Variants in DENND6B observed in about 807,000 individuals in gnomAD.
DENND6B encodes the protein DENN domain containing 6B, also known as protein DENND6B.
A neutral mutation model predicts 85.1 loss-of-function variants in DENND6B; 73 were observed. The ratio of observed to expected loss-of-function variants is 0.86; its 90% confidence interval spans 0.71 to 1.04. DENND6B has a LOEUF of 1.04. Ranked by LOEUF, DENND6B falls within the 50% of genes least tolerant of loss-of-function variation. The pLI, the probability that DENND6B is intolerant of heterozygous loss-of-function variation, is 0.00. For synonymous variants in DENND6B, 357 were observed against 329.3 expected, an observed-to-expected ratio of 1.08 and a Z score of -0.91; for missense variants, 715 against 785.8, an observed-to-expected ratio of 0.91 and a Z score of 1.08.
chr22:50,313,585 C>A, intron 15 of DENND6B, 50 bp downstream of exon 15: 1 of 1,445,240 alleles, frequency 6.9e-7, no homozygotes, highest in Non-Finnish European at 9.2e-7. Flanking sequence ...CAACCCCATC[C>A]CCCCAGCCCC....
At position 50,319,011 on chromosome 22, in the gene DENND6B, G is replaced by A. The variant is rs765888032; in HGVS notation, c.178-8C>T. The A allele has an allele frequency of 6.3e-7, 1 of 1,592,998 alleles. No homozygotes were observed. The highest frequency in any genetic ancestry group is 2.3e-5 in the East Asian group (1 of 43,824). On this transcript the variant is annotated splice_region_variant and splice_polypyrimidine_tract_variant and intron_variant, in intron 1 of 19. Coordinates refer to ENST00000413817, the MANE Select transcript of DENND6B (RefSeq NM_001001794.4). The stretch of plus-strand genomic sequence containing the variant: ...GTCGTTCGGATACACCAGCTGCAGA[G>A]GAAGACAGAGTGCTTGGTGACACCA...
rs758476540 is a variant in DENND6B at position 50,318,956 on chromosome 22, G to A, written c.216+9C>T. ...GGTCCTGTCCATTCCCAAGAGGGCC[G>A]GGACTCACCTCCTTGTCTGTGAGCC... On this transcript the variant is annotated intron_variant, in intron 2 of 19. Transcript: ENST00000413817. 126 of 1,607,714 alleles carry A rather than the reference G, an allele frequency of 7.8e-5. No homozygotes were observed. In the East Asian group the frequency reaches 8.5e-4, roughly 11 times the overall value.
At chr22:50,324,408 T>C (rs1347870749) in intron 1 of DENND6B, among the ~76,000 whole-genome samples, 1 of 152,184 alleles carries the variant, frequency 6.6e-6, no homozygotes, top group Non-Finnish European at 1.5e-5. Flanking sequence ...GGGCTGGTGA[T>C]AGCTGCTCAA....
At chr22:50,316,326 C>A in intron 6 of DENND6B, 44 bp downstream of exon 6, 1 of 1,562,358 alleles carries the variant, frequency 6.4e-7, no homozygotes, top group South Asian at 1.2e-5. Context: ...GGGGCCACAG[C>A]TGGGATGATG....
At chr22:50,323,658 G>A (rs1162645034) in intron 1 of DENND6B, among the ~76,000 whole-genome samples, 1 of 150,392 alleles carries the variant, frequency 6.6e-6, no homozygotes, top group Admixed American at 6.6e-5. Flanking sequence ...CTGGGCTCAA[G>A]TGCTCCTCCC....
Position 50,315,012 on chromosome 22 carries a change from C to T in DENND6B, c.759-91G>A, listed in dbSNP as rs2041757560. Reference sequence around the variant, plus strand: ...CTCCCACCGTTCACCCAGGCTGGCCCAGGCACTGGTGAACACAGCACGCTG... The same window carrying T: ...CTCCCACCGTTCACCCAGGCTGGCCTAGGCACTGGTGAACACAGCACGCTG... On this transcript the variant is annotated intron_variant, in intron 9 of 19. Transcript: ENST00000413817. 3 of 1,553,790 alleles carry T rather than the reference C, an allele frequency of 1.9e-6. No individual in the cohort carries two copies. The Admixed American group carries it at 5.4e-5, about 28-fold the overall frequency.
In DENND6B at chr22:50,314,934, AG is replaced by A. The variant is rs1478377934; in HGVS notation, c.759-14del. ...AGGCCGGAAGCACCTGGGGCCGGGCAGGAAGGTCGGGGAGGTCAGGCAGGGG... is the reference window on the plus strand; with the variant it reads ...AGGCCGGAAGCACCTGGGGCCGGGCAGAAGGTCGGGGAGGTCAGGCAGGGG... On this transcript the variant is annotated splice_polypyrimidine_tract_variant and intron_variant, in intron 9 of 19. Transcript: ENST00000413817. 8 of 1,607,614 alleles carry A rather than the reference AG, an allele frequency of 5.0e-6. No homozygotes were observed. In the South Asian group the frequency reaches 8.8e-5, roughly 18 times the overall value.
intron 1 of DENND6B, among the ~76,000 whole-genome samples, chr22:50,325,962 C>T (rs935260717): frequency 1.3e-5 from 2 of 152,236 alleles, no homozygotes; most frequent in Non-Finnish European, 2.9e-5. Context: ...TGATCTTGGA[C>T]ACCTGCGGTA....
At chr22:50,314,020 AC>A (rs2041691979) in intron 13 of DENND6B, 142 bp from the exon 14 acceptor site, 13 of 1,279,498 alleles carry the variant, frequency 1.0e-5, no homozygotes, top group South Asian at 7.7e-5. Flanking sequence ...TCACCCACCC[AC>A]CCCCCAGACA....
chr22:50,318,929 T>C (rs767843845), intron 2 of DENND6B, 36 bp downstream of exon 2: 9 of 1,610,580 alleles, frequency 5.6e-6, no homozygotes, highest in Admixed American at 3.4e-5. Flanking sequence ...GACCCACTCC[T>C]GGGTCCTGTC....
In DENND6B at chr22:50,314,816, CA is replaced by C; in HGVS notation, c.863del (p.Met288ArgfsTer5). 1 of 1,609,110 alleles carries C rather than the reference CA, an allele frequency of 6.2e-7. No individual in the cohort carries two copies. Among genetic ancestry groups the C allele is most frequent in the South Asian group, 1.1e-5 (1 of 90,132 alleles). ...GGCGATACCTGGTCAAGGCCAGCAC[CA>C]TCTCCGAGGACACGTCGGGCGAGGG... ...LAPSPDVSSE[M>X]VLALTSCLQP... On this transcript the variant is annotated frameshift_variant, in exon 10 of 20. Transcript: ENST00000413817. LOFTEE classifies it high-confidence loss of function.
rs1368359013 is a variant in DENND6B, at chr22:50,318,036, C to G, written c.260-16G>C. On this transcript the variant is annotated splice_polypyrimidine_tract_variant and intron_variant, in intron 3 of 19. Transcript: ENST00000413817. Reference sequence around the variant, plus strand: ...CCAAGGCAGCCTAAGAAGGGGCAGCCCCACCACACGGGTCAAGGCCGGGAG... The same window carrying G: ...CCAAGGCAGCCTAAGAAGGGGCAGCGCCACCACACGGGTCAAGGCCGGGAG... 7 of 1,611,220 alleles carry G rather than the reference C, an allele frequency of 4.3e-6. No individual in the cohort carries two copies. The Admixed American group carries it at 1.0e-4, about 23-fold the overall frequency.
intron 3 of DENND6B, among the ~76,000 whole-genome samples, 163 bp downstream of exon 3, chr22:50,318,662 CGGCCTGACCTGCTGCAACGCGG>C (rs1327972712): frequency 6.6e-6 from 1 of 152,130 alleles, no homozygotes; most frequent in African/African-American, 2.4e-5. Flanking sequence ...ATCTGGGGAC[CGGCCTGACCTGCTGCAACGCGG>C]GGCTCTGGGT....
Position 50,312,632 on chromosome 22 carries a change from G to T in DENND6B, c.1458-7C>A. 1 of 1,560,482 alleles carries T rather than the reference G, an allele frequency of 6.4e-7. No homozygotes were observed. Among genetic ancestry groups the T allele is most frequent in the Non-Finnish European group, 8.7e-7 (1 of 1,152,620 alleles). ...GGGGGACTTGAAAAACCGCCTGTGG[G>T]GATTAACAGGCGGGGGGCCATGGGG... is the stretch of plus-strand genomic sequence containing the variant. On this transcript the variant is annotated splice_region_variant and splice_polypyrimidine_tract_variant and intron_variant, in intron 17 of 19. Coordinates refer to ENST00000413817, the MANE Select transcript of DENND6B (RefSeq NM_001001794.4).
In DENND6B at chr22:50,310,501, T is replaced by C. The variant is rs68069258; in HGVS notation, c.*1638A>G. ...CGGACACCTGACCCCGCTGTCCTTG[T>C]GGCTCAGTCACATCCTGCACTGAAG... is the stretch of plus-strand genomic sequence containing the variant. On this transcript the variant is annotated 3_prime_UTR_variant, in exon 20 of 20. Coordinates refer to ENST00000413817, the MANE Select transcript of DENND6B (RefSeq NM_001001794.4). 49,507 of 152,216 alleles carry C rather than the reference T, an allele frequency of 0.33. 9,228 individuals are homozygous for C. The highest frequency in any genetic ancestry group is 0.57 in the South Asian group (2,759 of 4,824). 9.4% of individuals were successfully genotyped at this position (152,216 alleles called of 1,614,324 possible). A position where few individuals can be genotyped will look rare whatever the true frequency, so the allele number is the denominator to read the frequency against.
chr22:50,313,949 G>T, intron 13 of DENND6B, 71 bp from the exon 14 acceptor site: 1 of 1,501,790 alleles, frequency 6.7e-7, no homozygotes, highest in Non-Finnish European at 8.9e-7. Flanking sequence ...GCCCCACAGA[G>T]GAGCCAGGGT....
chr22:50,311,674 C>G lies in DENND6B; in HGVS notation c.*465G>C, dbSNP rs1222215214. The G allele has an allele frequency of 5.4e-6, 1 of 183,846 alleles. No individual in the cohort carries two copies. The highest frequency in any genetic ancestry group is 1.5e-4 in the East Asian group (1 of 6,644). 11.4% of individuals were successfully genotyped at this position (183,846 alleles called of 1,614,324 possible). A position where few individuals can be genotyped will look rare whatever the true frequency, so the allele number is the denominator to read the frequency against. On this transcript the variant is annotated 3_prime_UTR_variant, in exon 20 of 20. Transcript: ENST00000413817. ...GTCTCTCCCTTTCTCAAGTTGATGACTATATGCAAAATAGCCTCCCATCCC... is the reference window on the plus strand; with the variant it reads ...GTCTCTCCCTTTCTCAAGTTGATGAGTATATGCAAAATAGCCTCCCATCCC...
rs369068682 is a variant in DENND6B at position 50,316,057 on chromosome 22, C to T, written c.670G>A (p.Glu224Lys). The change falls in exon 8 of 20, where the codon GAG (glutamate) becomes AAG (lysine). Residue 224 changes from glutamate to lysine, a missense_variant. Coordinates refer to ENST00000413817, the MANE Select transcript of DENND6B (RefSeq NM_001001794.4). ...TCAAACTGCTTCGGAGGACTGGACT[C>T]GGACTTGTCCACCCTGGATGGGATG... ...VRIPSRVDKS[E>K]SSPPKQFDQE... 67 of 1,612,742 alleles carry T rather than the reference C, an allele frequency of 4.2e-5. No individual in the cohort carries two copies. The African/African-American group carries it at 6.4e-4, about 15-fold the overall frequency.
At position 50,311,293 on chromosome 22, in the gene DENND6B, C is replaced by T. The variant is rs2068056982; in HGVS notation, c.*846G>A. 6.6e-6 allele frequency: 1 copy of T among 152,298 alleles called. No individual in the cohort carries two copies. 9.4% of individuals were successfully genotyped at this position (152,298 alleles called of 1,614,324 possible). A position where few individuals can be genotyped will look rare whatever the true frequency, so the allele number is the denominator to read the frequency against. On this transcript the variant is annotated 3_prime_UTR_variant, in exon 20 of 20. Coordinates refer to ENST00000413817, the MANE Select transcript of DENND6B (RefSeq NM_001001794.4). ...AGAGGTGGCTCTTAGGGACGTTCAC[C>T]CCTTACCAAGGAAAGGGAGACATGC... is the stretch of plus-strand genomic sequence containing the variant.
Sources: gnomAD v4.1 joint callset for allele counts (sites outside exome capture counted in the v4.1 genomes callset) on GRCh38, gnomAD v4.1.1 for gene constraint, MANE v1.5 for transcripts, NCBI Gene and HGNC (gene_info 2026-07-23, HGNC 2026-07-21) for gene names.